Variants in CORO2B observed in about 807,000 individuals in gnomAD.
The protein encoded by CORO2B is coronin 2B, also known as coronin-2B.
Under a neutral mutation model 58.8 loss-of-function variants are expected in CORO2B, and 26 were observed. That is an observed-to-expected ratio of 0.44 (90% CI 0.32 to 0.61). The LOEUF is 0.61. Ranked by LOEUF, CORO2B falls within the 20% of genes least tolerant of loss-of-function variation. The pLI is 0.04. For synonymous variants in CORO2B, 242 were observed against 253.8 expected, an observed-to-expected ratio of 0.95 and a Z score of 0.44; for missense variants, 460 against 645.1, an observed-to-expected ratio of 0.71 and a Z score of 3.11.
At chr15:68,609,645 GCCTGAGCCCGCTGTCCCCTC>G (rs1900201973) in intron 1 of CORO2B, among the ~76,000 whole-genome samples, 1 of 152,278 alleles carries the variant, frequency 6.6e-6, no homozygotes, top group South Asian at 2.1e-4. Context: ...CCACTGCCAG[GCCTGAGCCCGCTGTCCCCTC>G]CCCACTGCTC....
chr15:68,719,098 C>T (rs759820229), intron 9 of CORO2B, 46 bp from the exon 10 acceptor site: 1 of 1,446,866 alleles, frequency 6.9e-7, no homozygotes, highest in Admixed American at 1.7e-5. Flanking sequence ...TAGGGGCTTT[C>T]CCAGCAGCCC....
intron 1 of CORO2B, chr15:68,631,939 A>G (rs1900844318): frequency 3.0e-6 from 3 of 985,420 alleles, no homozygotes; most frequent in South Asian, 9.4e-5. Flanking sequence ...GGAGGGCCAC[A>G]TGCCATCCCT....
At chr15:68,528,967 C>T in the CORO2B span, among the ~76,000 whole-genome samples, 1 of 152,108 alleles carries the variant, frequency 6.6e-6, no homozygotes, top group Non-Finnish European at 1.5e-5. Flanking sequence ...CTTTTAAAAG[C>T]TAAATGGCTA....
the CORO2B span, among the ~76,000 whole-genome samples, chr15:68,568,258 GC>G: frequency 6.6e-6 from 1 of 151,520 alleles, no homozygotes; most frequent in African/African-American, 2.4e-5. Context: ...TCCCTGCACT[GC>G]CCCCCACCCC....
chr15:68,557,625 G>C, the CORO2B span, among the ~76,000 whole-genome samples: 1 of 152,252 alleles, frequency 6.6e-6, no homozygotes, highest in Non-Finnish European at 1.5e-5. Flanking sequence ...CAGAGCAGCA[G>C]TGAGGCCTCA....
chr15:68,659,681 C>A (rs1901949366), intron 2 of CORO2B, among the ~76,000 whole-genome samples: 1 of 152,200 alleles, frequency 6.6e-6, no homozygotes, highest in Non-Finnish European at 1.5e-5. Context: ...TTCCTGTAAT[C>A]CCAGCACTTT....
the CORO2B span, among the ~76,000 whole-genome samples, chr15:68,551,362 C>A: frequency 1.3e-5 from 2 of 152,126 alleles, no homozygotes; most frequent in Non-Finnish European, 2.9e-5. Flanking sequence ...CAGGCCCAGG[C>A]CCAACCTGGC....
At chr15:68,525,859 C>T in the CORO2B span, among the ~76,000 whole-genome samples, 2,087 of 152,266 alleles carry the variant, frequency 0.014, 16 homozygotes, top group Non-Finnish European at 0.019. Context: ...ACATCAAAAT[C>T]AAGATATAAA....
upstream of CORO2B, among the ~76,000 whole-genome samples, chr15:68,577,597 TG>T (rs1458876321): frequency 1.3e-5 from 2 of 151,970 alleles, no homozygotes; most frequent in Non-Finnish European, 2.9e-5. Flanking sequence ...AGCGCGTTCC[TG>T]TAGTCCCAGA....
At chr15:68,636,215 C>T (rs529107085) in intron 1 of CORO2B, among the ~76,000 whole-genome samples, 50 of 152,308 alleles carry the variant, frequency 3.3e-4, no homozygotes, top group African/African-American at 1.2e-3. Context: ...GCAAGGGGAG[C>T]ACAGCATGGA....
At chr15:68,530,935 G>T in the CORO2B span, among the ~76,000 whole-genome samples, 1 of 151,952 alleles carries the variant, frequency 6.6e-6, no homozygotes, top group Non-Finnish European at 1.5e-5. Context: ...TGTAATTTTT[G>T]GTATAAATCT....
At chr15:68,572,392 T>C in the CORO2B span, among the ~76,000 whole-genome samples, 6 of 152,222 alleles carry the variant, frequency 3.9e-5, no homozygotes, top group Non-Finnish European at 7.3e-5. Context: ...AACCTCCTTG[T>C]CTTCGGTGGA....
chr15:68,538,064 G>A, the CORO2B span, among the ~76,000 whole-genome samples: 2,010 of 152,280 alleles, frequency 0.013, 48 homozygotes, highest in African/African-American at 0.046. Context: ...ATTTACTTAC[G>A]TTACCTTTAA....
chr15:68,692,065 G>C (rs1185627451), intron 2 of CORO2B, among the ~76,000 whole-genome samples: 3 of 152,220 alleles, frequency 2.0e-5, no homozygotes, highest in Non-Finnish European at 4.4e-5. Flanking sequence ...GCTGCAGGAG[G>C]GGAGCTGGCT....
intron 11 of CORO2B, among the ~76,000 whole-genome samples, chr15:68,723,846 G>A (rs1404450510): frequency 1.3e-5 from 2 of 152,168 alleles, no homozygotes; most frequent in African/African-American, 4.8e-5. Context: ...AGGCTCAGGT[G>A]GGAAGATCGC....
chr15:68,640,951 A>G (rs146438326), intron 1 of CORO2B, among the ~76,000 whole-genome samples: 12 of 152,294 alleles, frequency 7.9e-5, no homozygotes, highest in Middle Eastern at 3.4e-3. Flanking sequence ...CTCCCAGCTC[A>G]GGGTTCTGTG....
chr15:68,691,777 A>C (rs1289603178), intron 2 of CORO2B, among the ~76,000 whole-genome samples: 1 of 151,996 alleles, frequency 6.6e-6, no homozygotes, highest in Non-Finnish European at 1.5e-5. Flanking sequence ...TCTGTTCTGA[A>C]TAGGTTCCGG....
At chr15:68,565,916 C>G in the CORO2B span, among the ~76,000 whole-genome samples, 1 of 152,218 alleles carries the variant, frequency 6.6e-6, no homozygotes, top group Admixed American at 6.5e-5. Context: ...CCACAGCCAG[C>G]AGGGAAGCAG....
At chr15:68,572,376 G>C in the CORO2B span, among the ~76,000 whole-genome samples, 6 of 152,182 alleles carry the variant, frequency 3.9e-5, no homozygotes, top group East Asian at 9.6e-4. Context: ...TCCCTGCCAT[G>C]CTTGTAACCT....
Sources: gnomAD v4.1 joint callset for allele counts (sites outside exome capture counted in the v4.1 genomes callset) on GRCh38, gnomAD v4.1.1 for gene constraint, MANE v1.5 for transcripts, NCBI Gene and HGNC (gene_info 2026-07-23, HGNC 2026-07-21) for gene names.